Variants in KAZN observed in about 807,000 individuals in gnomAD.
KAZN encodes the protein kazrin.
Under a neutral mutation model 87.4 loss-of-function variants are expected in KAZN, and 40 were observed. That is an observed-to-expected ratio of 0.46 (90% CI 0.36 to 0.60). KAZN has a LOEUF of 0.60. Ranked by LOEUF, KAZN falls within the 20% of genes least tolerant of loss-of-function variation. The pLI is 0.00. For missense variants in KAZN, 898 were observed against 1,073.9 expected (o/e 0.84, Z 2.29); for synonymous variants, 466 against 458.3 (o/e 1.02, Z -0.22).
intron 8 of KAZN, among the ~76,000 whole-genome samples, chr1:15,071,919 G>A (rs1639523673): frequency 6.6e-6 from 1 of 152,212 alleles, no homozygotes. Context: ...GTAAGTAGCT[G>A]TTAATCGCAC....
chr1:14,867,731 C>A lies in KAZN; in HGVS notation c.227-92953C>A, dbSNP rs914545836. ...CTCGGTGTCTTTGAAGACACCCCCCCCCCCACCCTGGGCATGGAGGCATTG... is the reference window on the plus strand; with the variant it reads ...CTCGGTGTCTTTGAAGACACCCCCCACCCCACCCTGGGCATGGAGGCATTG... On this transcript the variant is annotated intron_variant, in intron 1 of 14. Transcript: ENST00000376030. Among the ~76,000 whole-genome samples the A allele has an allele frequency of 1.6e-4, 20 of 125,032 alleles. 2 individuals carry two copies. Among genetic ancestry groups the A allele is most frequent in the Admixed American group, 7.9e-5 (1 of 12,586 alleles). 82.0% of individuals were successfully genotyped at this position (125,032 alleles called of 152,430 possible).
intron 2 of KAZN, among the ~76,000 whole-genome samples, chr1:14,374,951 A>G (rs1209676745): frequency 6.6e-6 from 1 of 152,166 alleles, no homozygotes; most frequent in Non-Finnish European, 1.5e-5. Flanking sequence ...TCAAAGAATT[A>G]AAGTCCAATT....
At chr1:14,942,992 C>CGT (rs36110375) in intron 1 of KAZN, among the ~76,000 whole-genome samples, 11 of 117,648 alleles carry the variant, frequency 9.3e-5, no homozygotes, top group East Asian at 7.7e-4. Context: ...ATGTGAGCTG[C>CGT]GTGTGTGTGT....
chr1:14,733,874 G>C (rs1451150278), intron 1 of KAZN, among the ~76,000 whole-genome samples: 1 of 152,160 alleles, frequency 6.6e-6, no homozygotes, highest in African/African-American at 2.4e-5. Flanking sequence ...CTCCAGATGG[G>C]ATCTCCCTCC....
intron 1 of KAZN, among the ~76,000 whole-genome samples, chr1:14,171,679 A>G (rs1489909858): frequency 2.6e-5 from 4 of 152,216 alleles, no homozygotes; most frequent in African/African-American, 9.6e-5. Context: ...ATAAATGACA[A>G]GATCATAAAA....
chr1:14,120,872 T>C (rs549002772), intron 1 of KAZN, among the ~76,000 whole-genome samples: 1 of 152,302 alleles, frequency 6.6e-6, no homozygotes, highest in South Asian at 2.1e-4. Flanking sequence ...GAGCATCATA[T>C]TTTTTTACTA....
chr1:14,676,724 T>C (rs1009903), intron 1 of KAZN, among the ~76,000 whole-genome samples: 63,205 of 151,968 alleles, frequency 0.42, 13,929 homozygotes, highest in South Asian at 0.52. Context: ...TATGATCCCA[T>C]TTATATGAAA....
chr1:14,961,905 G>A (rs1050113656), intron 2 of KAZN, among the ~76,000 whole-genome samples: 1 of 152,190 alleles, frequency 6.6e-6, no homozygotes, highest in Non-Finnish European at 1.5e-5. Context: ...ATTTGAGGCC[G>A]GTTGGGTGTA....
At chr1:14,747,623 C>T (rs58789106) in intron 1 of KAZN, among the ~76,000 whole-genome samples, 1 of 152,142 alleles carries the variant, frequency 6.6e-6, no homozygotes, top group African/African-American at 2.4e-5. Context: ...TAAGCATTTG[C>T]GTAGTTTCCA....
chr1:14,131,463 C>G (rs1196261792), intron 1 of KAZN, among the ~76,000 whole-genome samples: 1 of 152,110 alleles, frequency 6.6e-6, no homozygotes, highest in African/African-American at 2.4e-5. Flanking sequence ...TCCTAAGCCC[C>G]TAAAACAAAC....
chr1:14,086,255 A>G (rs1178180209), intron 1 of KAZN, among the ~76,000 whole-genome samples: 1 of 152,200 alleles, frequency 6.6e-6, no homozygotes, highest in Non-Finnish European at 1.5e-5. Flanking sequence ...TTACATAGGT[A>G]AACGTGTGCC....
chr1:14,982,587 G>A (rs528221151), intron 2 of KAZN, among the ~76,000 whole-genome samples: 2 of 152,116 alleles, frequency 1.3e-5, no homozygotes, highest in East Asian at 1.9e-4. Flanking sequence ...GCGCCACCAC[G>A]CCCAGCTAAT....
chr1:14,292,469 C>T (rs1224660486), intron 2 of KAZN, among the ~76,000 whole-genome samples: 2 of 152,082 alleles, frequency 1.3e-5, no homozygotes, highest in Non-Finnish European at 2.9e-5. Flanking sequence ...GGAGGAGCTG[C>T]GAGATATAGG....
At chr1:14,939,510 G>C (rs1414750077) in intron 1 of KAZN, among the ~76,000 whole-genome samples, 1 of 152,082 alleles carries the variant, frequency 6.6e-6, no homozygotes, top group Non-Finnish European at 1.5e-5. Context: ...CTGGTCTCAA[G>C]TGATCCTCCC....
At chr1:14,381,915 A>G (rs747289694) in intron 2 of KAZN, among the ~76,000 whole-genome samples, 3 of 152,214 alleles carry the variant, frequency 2.0e-5, no homozygotes, top group Non-Finnish European at 4.4e-5. Flanking sequence ...ATACAATCTT[A>G]TATTTGGAAA....
rs868743164 is a variant in KAZN, at chr1:14,915,047, C to T, written c.227-45637C>T. 2.6e-5 allele frequency among the ~76,000 whole-genome samples: 4 copies of T among 152,032 alleles called. No individual in the cohort carries two copies. The South Asian group carries it at 6.2e-4, about 24-fold the overall frequency. On this transcript the variant is annotated intron_variant, in intron 1 of 14. Coordinates refer to ENST00000376030, the MANE Select transcript of KAZN (RefSeq NM_201628.3). ...TACTAAAAATACAAAATTAGCCGGG[C>T]GTGGTGGTGCATGCCTGTAATCCCA... is the stretch of plus-strand genomic sequence containing the variant.
intron 1 of KAZN, among the ~76,000 whole-genome samples, chr1:13,988,779 A>T (rs1639141654): frequency 6.6e-6 from 1 of 152,226 alleles, no homozygotes; most frequent in Non-Finnish European, 1.5e-5. Context: ...TCACTACAGC[A>T]ATTCTTAATA....
intron 1 of KAZN, among the ~76,000 whole-genome samples, chr1:14,835,443 C>T (rs1427201741): frequency 6.6e-6 from 1 of 152,198 alleles, no homozygotes. Context: ...GGGTGGGGGC[C>T]GCAATCTGAG....
intron 2 of KAZN, among the ~76,000 whole-genome samples, chr1:14,441,660 G>A (rs907256780): frequency 2.0e-5 from 3 of 152,060 alleles, no homozygotes; most frequent in African/African-American, 7.2e-5. Context: ...AAAATTTTTT[G>A]GTGCAATTTT....
Sources: allele counts gnomAD v4.1 joint callset (sites outside exome capture counted in the v4.1 genomes callset), GRCh38; gene constraint gnomAD v4.1.1; transcripts MANE v1.5; gene names NCBI Gene and HGNC (gene_info 2026-07-23, HGNC 2026-07-21).